The following CRPPA variants were observed in gnomAD, a reference collection of about 807,000 sequenced individuals.
CRPPA encodes the protein CDP-L-ribitol pyrophosphorylase A.
Under a neutral mutation model 52.0 loss-of-function variants are expected in CRPPA, and 43 were observed. The observed-to-expected ratio is 0.83, with a 90% CI of 0.65 to 1.07. The LOEUF (loss-of-function observed/expected upper bound fraction) is 1.07, where lower values mean the gene tolerates loss of function less well. CRPPA is among the 50% of genes least tolerant of loss of function. CRPPA has a pLI of 0.00. For missense variants in CRPPA, 629 were observed against 551.7 expected, an observed-to-expected ratio of 1.14 and a Z score of -1.40; for synonymous variants, 250 against 203.5, an observed-to-expected ratio of 1.23 and a Z score of -1.94.
intron 9 of CRPPA, among the ~76,000 whole-genome samples, chr7:16,137,902 T>G (rs1782791947): frequency 6.6e-6 from 1 of 152,180 alleles, no homozygotes; most frequent in Non-Finnish European, 1.5e-5. Context: ...TGCTTGTAAT[T>G]ATAATTTTAT....
chr7:16,116,570 C>T (rs755156067), intron 9 of CRPPA, among the ~76,000 whole-genome samples: 4 of 147,548 alleles, frequency 2.7e-5, no homozygotes, highest in Non-Finnish European at 5.9e-5. Flanking sequence ...GAAGCTGAGG[C>T]AGAATTGCTT....
intron 3 of CRPPA, among the ~76,000 whole-genome samples, chr7:16,314,605 C>CA (rs1664728024): frequency 1.3e-5 from 2 of 151,790 alleles, no homozygotes; most frequent in East Asian, 1.9e-4. Flanking sequence ...GGTCTACTGG[C>CA]AAAAAATTTC....
intron 8 of CRPPA, among the ~76,000 whole-genome samples, chr7:16,228,422 T>A (rs961463165): frequency 5.3e-5 from 8 of 152,064 alleles, no homozygotes; most frequent in Non-Finnish European, 7.4e-5. Flanking sequence ...TCTTCATTTT[T>A]GATGTAGGTG....
At chr7:16,366,158 C>T (rs1786583696) in intron 3 of CRPPA, among the ~76,000 whole-genome samples, 1 of 152,142 alleles carries the variant, frequency 6.6e-6, no homozygotes, top group Non-Finnish European at 1.5e-5. Flanking sequence ...AACAAGCTCC[C>T]TCAGGCCTCT....
At chr7:16,157,337 T>G (rs1372591557) in intron 9 of CRPPA, among the ~76,000 whole-genome samples, 1 of 152,130 alleles carries the variant, frequency 6.6e-6, no homozygotes, top group Non-Finnish European at 1.5e-5. Flanking sequence ...GGTTCTCATA[T>G]GGAAACAATA....
intron 5 of CRPPA, among the ~76,000 whole-genome samples, chr7:16,299,383 A>G (rs574496515): frequency 6.6e-6 from 1 of 152,340 alleles, no homozygotes; most frequent in East Asian, 1.9e-4. Flanking sequence ...ATAAACCTAT[A>G]AAAGACTGAG....
chr7:16,184,178 T>C (rs1210590780), intron 9 of CRPPA, among the ~76,000 whole-genome samples: 1 of 152,028 alleles, frequency 6.6e-6, no homozygotes, highest in Non-Finnish European at 1.5e-5. Context: ...CCTGACCTCA[T>C]GATCTGCCCA....
chr7:16,314,402 T>C (rs1785099072), intron 3 of CRPPA, among the ~76,000 whole-genome samples: 1 of 152,076 alleles, frequency 6.6e-6, no homozygotes. Flanking sequence ...GTCATTGTCA[T>C]TCATTTCACT....
chr7:16,354,631 T>C (rs1192504997), intron 3 of CRPPA, among the ~76,000 whole-genome samples: 3 of 152,154 alleles, frequency 2.0e-5, no homozygotes, highest in Admixed American at 6.5e-5. Context: ...TTCTGAGCAA[T>C]GATGGACATA....
At chr7:16,280,400 A>T (rs568516188) in intron 5 of CRPPA, among the ~76,000 whole-genome samples, 1 of 152,344 alleles carries the variant, frequency 6.6e-6, no homozygotes, top group Admixed American at 6.5e-5. Context: ...GCTTTGTAAT[A>T]TCTTAGGCTA....
chr7:16,155,587 C>G (rs568848901), intron 9 of CRPPA, among the ~76,000 whole-genome samples: 1 of 152,114 alleles, frequency 6.6e-6, no homozygotes, highest in African/African-American at 2.4e-5. Flanking sequence ...TTGAGGAATA[C>G]GACATATTTT....
chr7:16,383,699 G>A (rs1787177197), intron 2 of CRPPA, among the ~76,000 whole-genome samples: 1 of 152,218 alleles, frequency 6.6e-6, no homozygotes, highest in Admixed American at 6.5e-5. Flanking sequence ...CTGGGCAATG[G>A]CAGGCGCCCC....
intron 1 of CRPPA, among the ~76,000 whole-genome samples, chr7:16,412,447 A>T (rs1467275957): frequency 1.3e-5 from 2 of 152,216 alleles, no homozygotes; most frequent in Non-Finnish European, 2.9e-5. Context: ...GGTCAAAAAA[A>T]AGTTTGGAAA....
rs758264134 is a variant in CRPPA at position 16,376,171 on chromosome 7, G to A, written c.605C>T (p.Ser202Leu). ...TGCTCTGTGTCTGGCACGTTCTAGC[G>A]AGTAGTCTAAGCAACCATCAGCAGA... The part of the protein sequence containing the change: ...SPSADGCLDY[S>L]LERARHRASE... Residue 202 changes from serine (S) to leucine (L), a missense_variant, in exon 3 of 10, where the codon TCG becomes TTG. Coordinates refer to ENST00000407010, the MANE Select transcript of CRPPA (RefSeq NM_001101426.4). The A allele has an allele frequency of 1.1e-5, 18 of 1,613,202 alleles. No homozygotes were observed. In the Admixed American group the frequency reaches 1.3e-4, roughly 12 times the overall value.
chr7:16,248,651 G>A (rs999637193), intron 8 of CRPPA, among the ~76,000 whole-genome samples: 7 of 152,290 alleles, frequency 4.6e-5, no homozygotes, highest in African/African-American at 9.6e-5. Context: ...AGATCCACGC[G>A]GAAGGCAGGT....
intron 2 of CRPPA, among the ~76,000 whole-genome samples, chr7:16,389,923 A>AT (rs1562673735): frequency 1.5e-3 from 123 of 81,048 alleles, no homozygotes; most frequent in Non-Finnish European, 2.2e-3. Context: ...CAAAAAAAAA[A>AT]AAAAAATATA....
chr7:16,416,315 T>C (rs1788191141), intron 1 of CRPPA, among the ~76,000 whole-genome samples: 1 of 152,166 alleles, frequency 6.6e-6, no homozygotes, highest in Non-Finnish European at 1.5e-5. Flanking sequence ...TGGCTAGCCA[T>C]ATCCAGAGGA....
At chr7:16,383,704 C>T (rs529937707) in intron 2 of CRPPA, among the ~76,000 whole-genome samples, 8 of 152,370 alleles carry the variant, frequency 5.3e-5, no homozygotes, top group South Asian at 4.1e-4. Context: ...CAATGGCAGG[C>T]GCCCCTCCCC....
intron 9 of CRPPA, among the ~76,000 whole-genome samples, chr7:16,215,624 T>A (rs1436824107): frequency 6.6e-6 from 1 of 152,188 alleles, no homozygotes; most frequent in African/African-American, 2.4e-5. Flanking sequence ...ATCTTTAACA[T>A]AACATAAAAG....
Sources: allele counts gnomAD v4.1 joint callset (sites outside exome capture counted in the v4.1 genomes callset), GRCh38; gene constraint gnomAD v4.1.1; transcripts MANE v1.5; gene names NCBI Gene and HGNC (gene_info 2026-07-23, HGNC 2026-07-21).